SYNE3: variants seen among roughly 807,000 people sequenced by gnomAD.
SYNE3 encodes nesprin-3.
SYNE3 carries 100 observed loss-of-function variants against 111.2 expected under a neutral mutation model. The observed-to-expected ratio is 0.90, with a 90% CI of 0.77 to 1.06. The LOEUF (loss-of-function observed/expected upper bound fraction) is 1.06, where lower values mean the gene tolerates loss of function less well. Among genes scored for constraint, SYNE3 ranks in the 50% least tolerant of loss-of-function variants. SYNE3 has a pLI of 0.00. For synonymous variants in SYNE3, 547 were observed against 533.9 expected, an observed-to-expected ratio of 1.02 and a Z score of -0.34; for missense variants, 1,160 against 1,240.3, an observed-to-expected ratio of 0.94 and a Z score of 0.97.
intron 9 of SYNE3, 89 bp from the exon 10 acceptor site, chr14:95,444,717 T>A: frequency 6.9e-7 from 1 of 1,450,824 alleles, no homozygotes. Context: ...AGGCTGCTCT[T>A]CGTCTCGGCC....
rs370896209 is a variant in SYNE3, at chr14:95,444,482, C to T, written c.1776+3G>A. 6.2e-6 allele frequency: 10 copies of T among 1,607,216 alleles called. No homozygotes were observed. The East Asian group carries it at 1.8e-4, about 29-fold the overall frequency. On this transcript the variant is annotated splice_donor_region_variant and intron_variant, in intron 10 of 17. Transcript: ENST00000682763. Reference sequence around the variant, plus strand: ...AGTGATTCAGGCCTCACAGACCCCTCACCTGCAACCTTGAGAGCTGGGCCT... The same window carrying T: ...AGTGATTCAGGCCTCACAGACCCCTTACCTGCAACCTTGAGAGCTGGGCCT...
intron 1 of SYNE3, among the ~76,000 whole-genome samples, chr14:95,476,466 C>T (rs993543605): frequency 6.6e-6 from 1 of 152,244 alleles, no homozygotes; most frequent in African/African-American, 2.4e-5. Flanking sequence ...ACATAATGCT[C>T]GAGATGCAAC....
chr14:95,512,960 A>T (rs1890775971), intron 1 of SYNE3, among the ~76,000 whole-genome samples: 1 of 152,244 alleles, frequency 6.6e-6, no homozygotes, highest in African/African-American at 2.4e-5. Flanking sequence ...TGAGAGTGAA[A>T]CAGACATCTC....
chr14:95,464,217 A>G (rs962026851), intron 4 of SYNE3, among the ~76,000 whole-genome samples: 2 of 152,242 alleles, frequency 1.3e-5, no homozygotes, highest in Non-Finnish European at 2.9e-5. Context: ...CACCGTTTCA[A>G]TGCAGACCCA....
At chr14:95,450,865 T>C (rs1887033518) in intron 7 of SYNE3, 1 of 152,134 alleles carries the variant, frequency 6.6e-6, no homozygotes, top group Non-Finnish European at 1.5e-5. Flanking sequence ...TTCTAAGTGT[T>C]AGATGAGATG....
rs370589075 is a variant in SYNE3 at position 95,448,903 on chromosome 14, G to A, written c.1449+1028C>T. Among the ~76,000 whole-genome samples the A allele has an allele frequency of 4.6e-5, 7 of 152,298 alleles. No homozygotes were observed. The Middle Eastern group carries it at 0.01, about 222-fold the overall frequency. ...TTGCCCCAACATGTTCATCCCTGTGGCTTGTGGGATAATGGGAGCTTTTTG... is the reference window on the plus strand; with the variant it reads ...TTGCCCCAACATGTTCATCCCTGTGACTTGTGGGATAATGGGAGCTTTTTG... On this transcript the variant is annotated intron_variant, in intron 8 of 17. Coordinates refer to ENST00000682763, the MANE Select transcript of SYNE3 (RefSeq NM_152592.6).
intron 4 of SYNE3, among the ~76,000 whole-genome samples, chr14:95,462,285 C>T (rs1887882428): frequency 6.6e-6 from 1 of 152,214 alleles, no homozygotes; most frequent in Non-Finnish European, 1.5e-5. Context: ...GGGTACACCA[C>T]AGCCCTCCTG....
At chr14:95,492,189 G>A (rs919468921) in intron 1 of SYNE3, among the ~76,000 whole-genome samples, 2 of 152,224 alleles carry the variant, frequency 1.3e-5, no homozygotes, top group East Asian at 1.9e-4. Flanking sequence ...ACAGAAAATG[G>A]TGCAGTGACT....
intron 1 of SYNE3, among the ~76,000 whole-genome samples, chr14:95,504,894 C>T (rs17092601): frequency 0.02 from 3,113 of 152,330 alleles, 122 homozygotes; most frequent in African/African-American, 0.071. Flanking sequence ...AAAGGCTCAC[C>T]GGCCAACTCT....
intron 9 of SYNE3, 34 bp downstream of exon 9, chr14:95,445,875 G>C: frequency 6.2e-7 from 1 of 1,606,370 alleles, no homozygotes; most frequent in South Asian, 1.1e-5. Flanking sequence ...CCGTGGCCAA[G>C]CCAAGTCCCG....
At chr14:95,510,718 G>A (rs1048343229) in intron 1 of SYNE3, among the ~76,000 whole-genome samples, 3 of 152,154 alleles carry the variant, frequency 2.0e-5, no homozygotes, top group African/African-American at 7.2e-5. Context: ...AACCCGGGAG[G>A]CGGAGGTGGC....
At chr14:95,514,280 G>A (rs1890830859) in intron 1 of SYNE3, among the ~76,000 whole-genome samples, 1 of 152,212 alleles carries the variant, frequency 6.6e-6, no homozygotes, top group African/African-American at 2.4e-5. Flanking sequence ...GTAGGACACT[G>A]CTCCTGGGTT....
At chr14:95,433,906 A>C (rs7152933) in intron 15 of SYNE3, among the ~76,000 whole-genome samples, 1 of 152,026 alleles carries the variant, frequency 6.6e-6, no homozygotes, top group Admixed American at 6.6e-5. Flanking sequence ...CCGGGAGCCC[A>C]GTTTTAAATC....
intron 1 of SYNE3, among the ~76,000 whole-genome samples, chr14:95,508,181 G>A (rs1396765905): frequency 6.6e-6 from 1 of 152,214 alleles, no homozygotes; most frequent in African/African-American, 2.4e-5. Context: ...CTGAGGGTGG[G>A]TTACTTAACC....
At chr14:95,448,832 G>A (rs1344183053) in intron 8 of SYNE3, among the ~76,000 whole-genome samples, 1 of 152,228 alleles carries the variant, frequency 6.6e-6, no homozygotes, top group Non-Finnish European at 1.5e-5. Context: ...CCTGGTTATT[G>A]GTTCTCCTCG....
chr14:95,455,961 G>C (rs1475077914), intron 5 of SYNE3: 1 of 508,980 alleles, frequency 2.0e-6, no homozygotes, highest in African/African-American at 1.9e-5. Context: ...TTAAGTCAAG[G>C]AGAAAGTCTC....
Position 95,413,156 on chromosome 14 carries a change from A to G in SYNE3, c.*4670T>C, listed in dbSNP as rs1056999842. Reference sequence around the variant, plus strand: ...TCCCATTCTCTTTTTCTCTCTCTCTATCCCTCCCTCCCTCCCTCCCTTCCT... The same window carrying G: ...TCCCATTCTCTTTTTCTCTCTCTCTGTCCCTCCCTCCCTCCCTCCCTTCCT... On this transcript the variant is annotated 3_prime_UTR_variant, in exon 18 of 18. Transcript: ENST00000682763. 6.9e-6 allele frequency: 1 copy of G among 145,262 alleles called. No homozygotes were observed. The highest frequency in any genetic ancestry group is 2.5e-5 in the African/African-American group (1 of 39,306). 9.0% of individuals were successfully genotyped at this position (145,262 alleles called of 1,614,324 possible).
At chr14:95,509,311 AG>A (rs763781770) in intron 1 of SYNE3, among the ~76,000 whole-genome samples, 10 of 152,132 alleles carry the variant, frequency 6.6e-5, no homozygotes, top group Non-Finnish European at 1.3e-4. Context: ...ACGATGAGCT[AG>A]GGGCTTTATG....
chr14:95,425,130 C>T (rs1595175220), intron 17 of SYNE3, among the ~76,000 whole-genome samples: 1 of 152,010 alleles, frequency 6.6e-6, no homozygotes, highest in African/African-American at 2.4e-5. Context: ...CCTGTAATTC[C>T]AGCTACTCAG....
Sources: allele counts gnomAD v4.1 joint callset (sites outside exome capture counted in the v4.1 genomes callset), GRCh38; gene constraint gnomAD v4.1.1; transcripts MANE v1.5; gene names NCBI Gene and HGNC (gene_info 2026-07-23, HGNC 2026-07-21).